SRRM4: variants seen among roughly 807,000 people sequenced by gnomAD.
The protein encoded by SRRM4 is serine/arginine repetitive matrix 4.
In SRRM4, 33 loss-of-function variants were observed where a neutral mutation model predicts 68.9. The observed-to-expected ratio is 0.48, with a 90% CI of 0.36 to 0.64. The LOEUF (loss-of-function observed/expected upper bound fraction) is 0.64, where lower values mean the gene tolerates loss of function less well. SRRM4 is among the 30% of genes least tolerant of loss of function. The pLI, the probability that SRRM4 is intolerant of heterozygous loss-of-function variation, is 0.00. For missense variants in SRRM4, 817 were observed against 827.1 expected, an observed-to-expected ratio of 0.99 and a Z score of 0.15; for synonymous variants, 318 against 318.8, an observed-to-expected ratio of 1.00 and a Z score of 0.03.
intron 2 of SRRM4, among the ~76,000 whole-genome samples, chr12:119,112,578 A>T (rs976972692): frequency 6.6e-6 from 1 of 152,258 alleles, no homozygotes; most frequent in Non-Finnish European, 1.5e-5. Context: ...GGCTGGATAA[A>T]GAAAATGTGG....
intron 1 of SRRM4, among the ~76,000 whole-genome samples, chr12:118,997,413 G>A (rs555804141): frequency 3.3e-5 from 5 of 152,280 alleles, no homozygotes; most frequent in South Asian, 2.1e-4. Flanking sequence ...TACTGTGGAC[G>A]CGTCCATCAT....
chr12:119,120,869 G>A (rs1317094723), intron 5 of SRRM4, among the ~76,000 whole-genome samples: 1 of 152,202 alleles, frequency 6.6e-6, no homozygotes, highest in Non-Finnish European at 1.5e-5. Flanking sequence ...AGAAGGTAAC[G>A]GAGCCGAAAT....
At chr12:119,088,056 A>G (rs1014478977) in intron 1 of SRRM4, among the ~76,000 whole-genome samples, 9 of 152,152 alleles carry the variant, frequency 5.9e-5, no homozygotes, top group Non-Finnish European at 8.8e-5. Context: ...CTCTGACACA[A>G]TGAGCTGGGG....
At position 119,157,805 on chromosome 12, in the gene SRRM4, C is replaced by G. The variant is rs1003330459; in HGVS notation, c.*1007C>G. The G allele has an allele frequency of 1.3e-5, 2 of 151,914 alleles. No homozygotes were observed. Among genetic ancestry groups the G allele is most frequent in the African/African-American group, 4.8e-5 (2 of 41,338 alleles). 9.4% of individuals were successfully genotyped at this position (151,914 alleles called of 1,614,324 possible). On this transcript the variant is annotated 3_prime_UTR_variant, in exon 13 of 13. Coordinates refer to ENST00000267260, the MANE Select transcript of SRRM4 (RefSeq NM_194286.4). This position sits in a 1 kb window ranked among gnomAD's most constrained non-coding sequence, Gnocchi z 4.1. The stretch of plus-strand genomic sequence containing the variant: ...GCCAGCCCCCTCCCCTCTGCCCAGG[C>G]TGCCACGCCCTGGATGCCACCCAGT...
chr12:119,134,704 G>C (rs574500907), intron 8 of SRRM4, among the ~76,000 whole-genome samples: 17 of 152,184 alleles, frequency 1.1e-4, no homozygotes, highest in Non-Finnish European at 2.4e-4. Flanking sequence ...ATCAAAGCCA[G>C]CTTCCTCTGT....
chr12:119,037,715 A>G (rs1953638795), intron 1 of SRRM4, among the ~76,000 whole-genome samples: 1 of 152,190 alleles, frequency 6.6e-6, no homozygotes, highest in African/African-American at 2.4e-5. Flanking sequence ...GAAGCTGAAC[A>G]TTCGCCGAAG....
intron 8 of SRRM4, among the ~76,000 whole-genome samples, chr12:119,140,676 A>C (rs1954359756): frequency 6.6e-6 from 1 of 152,264 alleles, no homozygotes; most frequent in Non-Finnish European, 1.5e-5. Flanking sequence ...ATAAGAAGTA[A>C]GAAGACCCAG....
chr12:119,161,317 CA>C lies in SRRM4; in HGVS notation c.*4520del, dbSNP rs1954512392. 6.6e-6 allele frequency: 1 copy of C among 152,192 alleles called. No individual in the cohort carries two copies. The highest frequency in any genetic ancestry group is 1.5e-5 in the Non-Finnish European group (1 of 68,034). The allele number at this position is 152,192 out of a possible 1,614,324, so 9.4% of individuals were successfully genotyped here. On this transcript the variant is annotated 3_prime_UTR_variant, in exon 13 of 13. Coordinates refer to ENST00000267260, the MANE Select transcript of SRRM4 (RefSeq NM_194286.4). ...CAAACATGCCTCCTCCCGCACTGGC[CA>C]GCCGAGTCCAGCTGAGAAACTTATG...
chr12:119,103,224 A>AT, intron 2 of SRRM4, among the ~76,000 whole-genome samples: 1 of 151,838 alleles, frequency 6.6e-6, no homozygotes, highest in South Asian at 2.1e-4. Context: ...AACTGGAGTC[A>AT]TTTTTTTTCT....
chr12:119,096,062 G>A (rs111824844), intron 1 of SRRM4, among the ~76,000 whole-genome samples: 6 of 150,568 alleles, frequency 4.0e-5, no homozygotes, highest in Admixed American at 6.6e-5. Flanking sequence ...GCTCTGTGGC[G>A]CAGGCTGGAG....
At chr12:119,123,494 C>A (rs1454383057) in intron 6 of SRRM4, among the ~76,000 whole-genome samples, 1 of 96,666 alleles carries the variant, frequency 1.0e-5, no homozygotes, top group African/African-American at 3.6e-5. Context: ...ACCTCAACAG[C>A]GCTAGGAAGG....
At chr12:119,122,316 A>AAGGAAGGAAGGCAGGC (rs1954226741) in intron 6 of SRRM4, among the ~76,000 whole-genome samples, 196 bp downstream of exon 6, 1 of 146,670 alleles carries the variant, frequency 6.8e-6, no homozygotes, top group African/African-American at 2.6e-5. Flanking sequence ...GGAAGGAAGG[A>AAGGAAGGAAGGCAGGC]AGGAAGGAAG....
At chr12:119,076,070 G>C (rs1430286042) in intron 1 of SRRM4, among the ~76,000 whole-genome samples, 1 of 151,766 alleles carries the variant, frequency 6.6e-6, no homozygotes, top group East Asian at 1.9e-4. Flanking sequence ...GGTAGTAATG[G>C]TAATGATAAT....
chr12:119,097,007 CG>C (rs1455401549), intron 1 of SRRM4, among the ~76,000 whole-genome samples: 38 of 152,212 alleles, frequency 2.5e-4, no homozygotes, highest in African/African-American at 8.9e-4. Flanking sequence ...GGAACAGAGC[CG>C]CCGGGAGGCC....
At chr12:119,066,878 A>C (rs541311259) in intron 1 of SRRM4, among the ~76,000 whole-genome samples, 1 of 152,224 alleles carries the variant, frequency 6.6e-6, no homozygotes, top group South Asian at 2.1e-4. Context: ...CCCCTCCCCC[A>C]CATGATTCTT....
intron 1 of SRRM4, among the ~76,000 whole-genome samples, chr12:119,099,291 T>C (rs73213717): frequency 0.079 from 12,014 of 152,204 alleles, 532 homozygotes; most frequent in African/African-American, 0.1. Flanking sequence ...TGCAACACCA[T>C]ACCAGCTAAT....
intron 1 of SRRM4, among the ~76,000 whole-genome samples, chr12:119,024,442 G>A (rs1429369159): frequency 6.6e-6 from 1 of 152,238 alleles, no homozygotes; most frequent in Non-Finnish European, 1.5e-5. Context: ...AATGTGGGCT[G>A]GGTTTCAGCC....
chr12:119,037,758 G>A (rs895990149), intron 1 of SRRM4, among the ~76,000 whole-genome samples: 1 of 152,152 alleles, frequency 6.6e-6, no homozygotes, highest in Non-Finnish European at 1.5e-5. Context: ...AATGTATTTG[G>A]GCTGCTTCTA....
chr12:119,018,088 T>A (rs1281356739), intron 1 of SRRM4, among the ~76,000 whole-genome samples: 2 of 152,190 alleles, frequency 1.3e-5, no homozygotes, highest in African/African-American at 4.8e-5. Context: ...ACTGCCGCCA[T>A]GTGCTATGAG....
Sources: gnomAD v4.1 joint callset for allele counts (sites outside exome capture counted in the v4.1 genomes callset) on GRCh38, gnomAD v4.1.1 for gene constraint, Gnocchi (gnomAD v3.1) non-coding constraint, MANE v1.5 for transcripts, NCBI Gene and HGNC (gene_info 2026-07-23, HGNC 2026-07-21) for gene names.